HPSE2: variants seen among roughly 807,000 people sequenced by gnomAD.
HPSE2 encodes inactive heparanase-2.
A neutral mutation model predicts 60.5 loss-of-function variants in HPSE2; 38 were observed. That is an observed-to-expected ratio of 0.63 (90% confidence interval 0.48 to 0.82). The LOEUF (loss-of-function observed/expected upper bound fraction) is 0.82. Ranked by LOEUF, HPSE2 falls within the 40% of genes least tolerant of loss-of-function variation. The probability of loss-of-function intolerance (pLI) is 0.00; values close to 1 mark genes in which losing one functional copy is unlikely to be tolerated. For synonymous variants in HPSE2, 295 were observed against 293.2 expected (o/e 1.01, Z -0.06); for missense variants, 713 against 740.4 (o/e 0.96, Z 0.43).
At chr10:98,925,313 C>T (rs1590087920) in intron 3 of HPSE2, among the ~76,000 whole-genome samples, 2 of 151,694 alleles carry the variant, frequency 1.3e-5, no homozygotes, top group South Asian at 2.1e-4. Context: ...TCTATCCCAA[C>T]CATCTTGCTC....
chr10:98,485,498 G>C (rs554291367), intron 10 of HPSE2, among the ~76,000 whole-genome samples: 16 of 152,318 alleles, frequency 1.1e-4, no homozygotes, highest in African/African-American at 3.6e-4. Context: ...AGCTTTTGTA[G>C]CTAAATGAGT....
chr10:99,231,715 C>T (rs1260808706), intron 2 of HPSE2, among the ~76,000 whole-genome samples: 2 of 151,668 alleles, frequency 1.3e-5, no homozygotes, highest in African/African-American at 4.9e-5. Flanking sequence ...AAAAATGCAA[C>T]TCTGAGATTA....
At chr10:98,847,150 A>G (rs539674142) in intron 3 of HPSE2, among the ~76,000 whole-genome samples, 1 of 152,344 alleles carries the variant, frequency 6.6e-6, no homozygotes, top group South Asian at 2.1e-4. Flanking sequence ...ACTCAGAATT[A>G]GTAAGAGGTT....
At chr10:98,838,133 T>C (rs1951833493) in intron 3 of HPSE2, among the ~76,000 whole-genome samples, 1 of 152,178 alleles carries the variant, frequency 6.6e-6, no homozygotes, top group African/African-American at 2.4e-5. Flanking sequence ...TAATCTCCTA[T>C]AGTGGTTTGT....
At chr10:99,091,447 C>G (rs1376904885) in intron 3 of HPSE2, among the ~76,000 whole-genome samples, 1 of 152,134 alleles carries the variant, frequency 6.6e-6, no homozygotes, top group Non-Finnish European at 1.5e-5. Context: ...TCCATGATTA[C>G]TTCTAAAATA....
At chr10:99,004,396 C>A (rs1325605284) in intron 3 of HPSE2, among the ~76,000 whole-genome samples, 1 of 151,682 alleles carries the variant, frequency 6.6e-6, no homozygotes, top group African/African-American at 2.4e-5. Context: ...GTATGCTTTA[C>A]CATCTTACTT....
intron 3 of HPSE2, among the ~76,000 whole-genome samples, chr10:99,119,792 C>T (rs1844872577): frequency 6.6e-6 from 1 of 152,114 alleles, no homozygotes; most frequent in Non-Finnish European, 1.5e-5. Context: ...AATAAGGCTG[C>T]ACATCTAAAA....
At chr10:98,478,465 A>T (rs1411979912) in intron 11 of HPSE2, among the ~76,000 whole-genome samples, 1 of 152,130 alleles carries the variant, frequency 6.6e-6, no homozygotes. Context: ...TCTCTTGTCC[A>T]ACCCCCGACT....
chr10:98,846,378 T>G (rs553463087), intron 3 of HPSE2, among the ~76,000 whole-genome samples: 1 of 152,340 alleles, frequency 6.6e-6, no homozygotes, highest in East Asian at 1.9e-4. Context: ...AAATTAAACC[T>G]GGGTTTTGAA....
At chr10:99,143,251 G>A (rs1019894695) in intron 3 of HPSE2, among the ~76,000 whole-genome samples, 4 of 152,004 alleles carry the variant, frequency 2.6e-5, no homozygotes, top group Non-Finnish European at 5.9e-5. Context: ...TTTTCACCAG[G>A]TACAAGATGA....
chr10:99,002,148 GAAC>G (rs1956791494), intron 3 of HPSE2, among the ~76,000 whole-genome samples: 1 of 151,840 alleles, frequency 6.6e-6, no homozygotes, highest in Non-Finnish European at 1.5e-5. Context: ...AGAACAATTT[GAAC>G]AACAAAATAA....
the HPSE2 span, among the ~76,000 whole-genome samples, chr10:99,246,513 A>G: frequency 1.3e-5 from 2 of 152,222 alleles, no homozygotes; most frequent in South Asian, 2.1e-4. Context: ...TTGGGAGGCC[A>G]AGGCAAGCGG....
chr10:98,558,409 A>G (rs1336591991), intron 9 of HPSE2, among the ~76,000 whole-genome samples: 1 of 152,266 alleles, frequency 6.6e-6, no homozygotes, highest in African/African-American at 2.4e-5. Context: ...GGTATATTCA[A>G]GTGAGATACC....
intron 3 of HPSE2, among the ~76,000 whole-genome samples, chr10:99,110,019 G>A (rs551029179): frequency 8.5e-5 from 13 of 152,210 alleles, no homozygotes; most frequent in South Asian, 6.2e-4. Flanking sequence ...GAAATTATAC[G>A]ATAGCAAAAA....
At chr10:98,865,260 C>G (rs1167070521) in intron 3 of HPSE2, among the ~76,000 whole-genome samples, 5 of 151,860 alleles carry the variant, frequency 3.3e-5, no homozygotes, top group Admixed American at 3.3e-4. Context: ...TTAACTGATT[C>G]CTAAGATACT....
At chr10:99,026,935 AAC>A (rs138858131) in intron 3 of HPSE2, among the ~76,000 whole-genome samples, 2,505 of 152,204 alleles carry the variant, frequency 0.016, 101 homozygotes, top group East Asian at 0.15. Context: ...TGATAATGAA[AAC>A]ACAAAATACC....
At chr10:98,758,181 A>C (rs759602054) in intron 3 of HPSE2, among the ~76,000 whole-genome samples, 1 of 151,094 alleles carries the variant, frequency 6.6e-6, no homozygotes, top group Non-Finnish European at 1.5e-5. Flanking sequence ...CATATAAAAA[A>C]TCAACTCAAG....
intron 3 of HPSE2, among the ~76,000 whole-genome samples, chr10:98,883,753 A>ATG (rs1253764381): frequency 6.6e-6 from 1 of 152,136 alleles, no homozygotes; most frequent in African/African-American, 2.4e-5. Context: ...GTAGTGAACT[A>ATG]TGATTGCACC....
At chr10:98,789,643 A>G (rs1950614083) in intron 3 of HPSE2, among the ~76,000 whole-genome samples, 1 of 152,060 alleles carries the variant, frequency 6.6e-6, no homozygotes, top group Non-Finnish European at 1.5e-5. Flanking sequence ...GGATGAGGCT[A>G]CTCTCTGCAG....
Sources: gnomAD v4.1 joint callset for allele counts (sites outside exome capture counted in the v4.1 genomes callset) on GRCh38, gnomAD v4.1.1 for gene constraint, MANE v1.5 for transcripts, NCBI Gene and HGNC (gene_info 2026-07-23, HGNC 2026-07-21) for gene names.